Variants in KIF4A observed in about 807,000 individuals in gnomAD.
KIF4A encodes the protein chromosome-associated kinesin KIF4A.
KIF4A carries 7 observed loss-of-function variants against 105.9 expected under a neutral mutation model. The ratio of observed to expected loss-of-function variants is 0.07; its 90% CI spans 0.04 to 0.12. KIF4A has a LOEUF of 0.12. KIF4A is among the 10% of genes least tolerant of loss of function. KIF4A has a pLI of 1.00. For missense variants in KIF4A, 558 were observed against 929.2 expected (o/e 0.60, Z 5.19); for synonymous variants, 281 against 331.3 (o/e 0.85, Z 1.65).
intron 3 of KIF4A, among the ~76,000 whole-genome samples, chrX:70,295,075 G>A (rs899952672): frequency 9.8e-5 from 11 of 112,317 alleles, no homozygotes; most frequent in Admixed American, 7.5e-4. Context: ...AAAAACCGGG[G>A]AGGGGGAGTG....
chrX:70,334,889 G>A (rs887438972), intron 10 of KIF4A, among the ~76,000 whole-genome samples: 2 of 111,675 alleles, frequency 1.8e-5, no homozygotes, highest in Non-Finnish European at 3.8e-5. Flanking sequence ...AAAATAAAAG[G>A]TGTTGGCAAG....
rs775482349 is a variant in KIF4A at position 70,373,959 on chromosome X, C to T, written c.1675-192C>T. On this transcript the variant is annotated intron_variant, in intron 15 of 30. Transcript: ENST00000374403. ...GTAAGCGTGGCAGTCAAGATTAAAACCCAGACCCTCAGATTCCAAACATTT... is the reference window on the plus strand; with the variant it reads ...GTAAGCGTGGCAGTCAAGATTAAAATCCAGACCCTCAGATTCCAAACATTT... Among the ~76,000 whole-genome samples, 4 of 105,396 alleles carry T rather than the reference C, an allele frequency of 3.8e-5. No individual in the cohort carries two copies. In the South Asian group the frequency reaches 1.7e-3, roughly 45 times the overall value. The allele number at this position is 105,396 out of a possible 115,157, so 91.5% of individuals were successfully genotyped here.
At chrX:70,363,015 TGGGTTCAAGG>T (rs1412526217) in intron 15 of KIF4A, among the ~76,000 whole-genome samples, 1 of 111,128 alleles carries the variant, frequency 9.0e-6, no homozygotes, top group Non-Finnish European at 1.9e-5. Context: ...CTTGACTTCC[TGGGTTCAAGG>T]GATCCTCCCA....
At chrX:70,361,603 C>T (rs1185687636) in intron 15 of KIF4A, 2 of 166,658 alleles carry the variant, frequency 1.2e-5, no homozygotes, top group Admixed American at 1.1e-4. Flanking sequence ...CCATGACAAA[C>T]TTCACCTTGG....
intron 17 of KIF4A, 53 bp from the exon 18 acceptor site, chrX:70,376,047 G>A: frequency 4.7e-6 from 4 of 857,325 alleles, no homozygotes; most frequent in Non-Finnish European, 6.8e-6. Context: ...ATCCGCACCA[G>A]CCTAGAATAA....
At chrX:70,400,426 T>C (rs757225082) in intron 22 of KIF4A, among the ~76,000 whole-genome samples, 29 of 112,044 alleles carry the variant, frequency 2.6e-4, no homozygotes, top group African/African-American at 8.8e-4. Flanking sequence ...TCTATCATTG[T>C]TGGACATTTG....
At chrX:70,340,585 A>G (rs916100277) in intron 10 of KIF4A, among the ~76,000 whole-genome samples, 14 of 112,348 alleles carry the variant, frequency 1.2e-4, no homozygotes, top group African/African-American at 4.5e-4. Flanking sequence ...AGTTTTTTTT[A>G]TAATCTGCAT....
At chrX:70,389,736 C>G (rs915993080) in intron 20 of KIF4A, among the ~76,000 whole-genome samples, 20 of 112,412 alleles carry the variant, frequency 1.8e-4, no homozygotes, top group African/African-American at 6.5e-4. Flanking sequence ...TTTCATTGAT[C>G]TATATGTCTA....
chrX:70,343,998 G>T lies in KIF4A; in HGVS notation c.1431+16G>T. The stretch of plus-strand genomic sequence containing the variant: ...CCAGTTATCGGTAAGCCAAGTAGGG[G>T]CAGTGTAAATAGGCATATCACTTTC... On this transcript the variant is annotated intron_variant, in intron 13 of 30. Coordinates refer to ENST00000374403, the MANE Select transcript of KIF4A (RefSeq NM_012310.5). 9.1e-7 allele frequency: 1 copy of T among 1,103,190 alleles called. No individual in the cohort carries two copies. Among genetic ancestry groups the T allele is most frequent in the Non-Finnish European group, 1.3e-6 (1 of 798,698 alleles). 90.9% of individuals were successfully genotyped at this position (1,103,190 alleles called of 1,213,427 possible). A position where few individuals can be genotyped will look rare whatever the true frequency, so the allele number is the denominator to read the frequency against.
rs201936224 is a variant in KIF4A, at chrX:70,358,282, C to CA, written c.1674+4475_1674+4476insA. On this transcript the variant is annotated intron_variant, in intron 15 of 30. Coordinates refer to ENST00000374403, the MANE Select transcript of KIF4A (RefSeq NM_012310.5). ...CTAGAAATTTGTACTCCTTTCTGGGCGGTTTTTTTCCTATCATTTCTTTGA... is the reference window on the plus strand; with the variant it reads ...CTAGAAATTTGTACTCCTTTCTGGGCAGGTTTTTTTCCTATCATTTCTTTGA... Among the ~76,000 whole-genome samples the CA allele has an allele frequency of 1.4e-4, 11 of 78,567 alleles. No homozygotes were observed. In the South Asian group the frequency reaches 6.1e-3, roughly 43 times the overall value. The allele number at this position is 78,567 out of a possible 115,157, so 68.2% of individuals were successfully genotyped here. A position where few individuals can be genotyped will look rare whatever the true frequency, so the allele number is the denominator to read the frequency against.
At chrX:70,301,860 A>G in intron 5 of KIF4A, 40 bp from the exon 6 acceptor site, 1 of 1,185,277 alleles carries the variant, frequency 8.4e-7, no homozygotes, top group Non-Finnish European at 1.1e-6. Context: ...AAGCATTTGA[A>G]GTATAAATCA....
intron 27 of KIF4A, 85 bp downstream of exon 27, chrX:70,406,439 A>C (rs972248275): frequency 1.4e-6 from 1 of 739,213 alleles, no homozygotes; most frequent in East Asian, 3.3e-5. Context: ...AGAGGTTGAC[A>C]GTTAAAATTC....
At chrX:70,322,799 T>G (rs1027394502) in intron 7 of KIF4A, among the ~76,000 whole-genome samples, 6 of 108,275 alleles carry the variant, frequency 5.5e-5, no homozygotes, top group Non-Finnish European at 1.1e-4. Flanking sequence ...TACTTCACTC[T>G]CTTTTCTCTA....
chrX:70,290,670 C>A lies in KIF4A; in HGVS notation c.121-21C>A, dbSNP rs764971499. ...TTGCCTTTCATTTTTAACCTTACGC[C>A]TTGTCCCGTGCCTTCTCTAGGTGGT... On this transcript the variant is annotated intron_variant, in intron 2 of 30. Coordinates refer to ENST00000374403, the MANE Select transcript of KIF4A (RefSeq NM_012310.5). The A allele has an allele frequency of 7.5e-6, 9 of 1,200,930 alleles. No homozygotes were observed. In the East Asian group the frequency reaches 2.7e-4, roughly 36 times the overall value.
Position 70,348,900 on chromosome X carries a change from G to A in KIF4A, c.1432-3700G>A, listed in dbSNP as rs746966543. ...CTGTTGGGTACACCTCCCAGACGGG[G>A]CGGCCGGGCAGAGGCGCTCCTCACT... is the stretch of plus-strand genomic sequence containing the variant. On this transcript the variant is annotated intron_variant, in intron 13 of 30. Coordinates refer to ENST00000374403, the MANE Select transcript of KIF4A (RefSeq NM_012310.5). Among the ~76,000 whole-genome samples, 4 of 112,305 alleles carry A rather than the reference G, an allele frequency of 3.6e-5. No individual in the cohort carries two copies. In the East Asian group the frequency reaches 1.1e-3, roughly 31 times the overall value.
chrX:70,381,036 C>T (rs1482809213), intron 18 of KIF4A, among the ~76,000 whole-genome samples: 2 of 110,553 alleles, frequency 1.8e-5, no homozygotes, highest in African/African-American at 6.6e-5. Context: ...GTAGTCCCAA[C>T]TACTTGAGAG....
intron 10 of KIF4A, among the ~76,000 whole-genome samples, chrX:70,338,521 G>A (rs2085959659): frequency 8.9e-6 from 1 of 111,834 alleles, no homozygotes. Flanking sequence ...GTCTAGATAG[G>A]CCGTATTTGT....
chrX:70,387,214 G>C lies in KIF4A; in HGVS notation c.2149G>C (p.Ala717Pro). ...AAAANKRLKDALQKQREVADK... is the reference protein window; with the variant it reads ...AAAANKRLKDPLQKQREVADK... ...AGCTGCCAACAAGCGTCTCAAGGAT[G>C]CTCTCCAGAAACAACGGGAGGTTGC... The change falls in exon 20 of 31, where the codon GCT becomes CCT. Residue 717 changes from alanine (A) to proline (P), a missense_variant. By Grantham distance (27) the Ala-to-Pro change is conservative. Transcript: ENST00000374403. 1 of 1,187,247 alleles carries C rather than the reference G, an allele frequency of 8.4e-7. No homozygotes were observed. The highest frequency in any genetic ancestry group is 1.1e-6 in the Non-Finnish European group (1 of 882,731).
intron 13 of KIF4A, among the ~76,000 whole-genome samples, chrX:70,344,252 A>G (rs1458964086): frequency 8.9e-6 from 1 of 112,527 alleles, no homozygotes; most frequent in African/African-American, 3.2e-5. Flanking sequence ...AGGTAGCAAG[A>G]GCAGCAGTCA....
Sources: allele counts gnomAD v4.1 joint callset (sites outside exome capture counted in the v4.1 genomes callset), GRCh38; gene constraint gnomAD v4.1.1; transcripts MANE v1.5; gene names NCBI Gene and HGNC (gene_info 2026-07-23, HGNC 2026-07-21).